Variants in ATP6V1A observed in about 807,000 individuals in gnomAD.
ATP6V1A encodes the protein V-type proton ATPase catalytic subunit A.
A neutral mutation model predicts 70.1 loss-of-function variants in ATP6V1A; 18 were observed. The observed-to-expected ratio is 0.26, with a 90% confidence interval of 0.18 to 0.38. The LOEUF (loss-of-function observed/expected upper bound fraction) is 0.38, where lower values mean the gene tolerates loss of function less well. Ranked by LOEUF, ATP6V1A falls within the 10% of genes least tolerant of loss-of-function variation. The pLI is 1.00. For synonymous variants in ATP6V1A, 232 were observed against 253.8 expected, an observed-to-expected ratio of 0.91 and a Z score of 0.82; for missense variants, 424 against 772.4, an observed-to-expected ratio of 0.55 and a Z score of 5.35.
At chr3:113,755,106 A>T (rs1708632123) in intron 1 of ATP6V1A, among the ~76,000 whole-genome samples, 1 of 152,210 alleles carries the variant, frequency 6.6e-6, no homozygotes, top group Non-Finnish European at 1.5e-5. Flanking sequence ...TAGTATTAAT[A>T]TAACAAAGAG....
chr3:113,805,554 T>C (rs1459193361), intron 14 of ATP6V1A, 29 bp downstream of exon 14: 1 of 1,572,036 alleles, frequency 6.4e-7, no homozygotes, highest in East Asian at 2.2e-5. Context: ...GTAACTTTTT[T>C]TATTTGGAAA....
intron 8 of ATP6V1A, among the ~76,000 whole-genome samples, chr3:113,793,457 T>C (rs973874709): frequency 6.6e-6 from 1 of 152,220 alleles, no homozygotes; most frequent in Admixed American, 6.5e-5. Flanking sequence ...GTCTGAGGCA[T>C]ATTTTTCTTG....
At chr3:113,802,492 C>T (rs1709225137) in intron 12 of ATP6V1A, among the ~76,000 whole-genome samples, 1 of 151,892 alleles carries the variant, frequency 6.6e-6, no homozygotes, top group East Asian at 1.9e-4. Context: ...CCACACCTAG[C>T]TAATTTTTGT....
At position 113,805,497 on chromosome 3, in the gene ATP6V1A, T is replaced by C. The variant is rs750853556; in HGVS notation, c.1733T>C (p.Leu578Pro). ...SIIREHMGDILYKLSSMKFKD... is the reference protein window; with the variant it reads ...SIIREHMGDIPYKLSSMKFKD... ...ATTCGTGAGCACATGGGAGACATCC[T>C]CTATAAACTTTCCTCCATGAAATTC... Residue 578 changes from leucine to proline, a missense_variant, in exon 14 of 15, where the codon CTC becomes CCC. Coordinates refer to ENST00000273398, the MANE Select transcript of ATP6V1A (RefSeq NM_001690.4). 1.2e-5 allele frequency: 20 copies of C among 1,612,618 alleles called. No individual in the cohort carries two copies. In the Admixed American group the frequency reaches 2.2e-4, roughly 18 times the overall value.
intron 1 of ATP6V1A, among the ~76,000 whole-genome samples, chr3:113,756,522 A>G (rs906035748): frequency 1.3e-5 from 2 of 152,172 alleles, no homozygotes; most frequent in East Asian, 1.9e-4. Flanking sequence ...TGTGCTTTTA[A>G]CATTTCTAGC....
chr3:113,782,587 CAT>C (rs527941453), intron 3 of ATP6V1A, among the ~76,000 whole-genome samples: 190 of 140,542 alleles, frequency 1.4e-3, no homozygotes, highest in African/African-American at 2.5e-3. Context: ...TATATATACA[CAT>C]ATATATATAT....
At chr3:113,799,159 GATGAATGTAGGT>G in intron 12 of ATP6V1A, among the ~76,000 whole-genome samples, 2 of 152,202 alleles carry the variant, frequency 1.3e-5, no homozygotes, top group South Asian at 4.1e-4. Context: ...TAATATTGTT[GATGAATGTAGGT>G]ATGAATGTAG....
chr3:113,765,341 G>A lies in ATP6V1A; in HGVS notation c.-13-13400G>A, dbSNP rs138953586. On this transcript the variant is annotated intron_variant, in intron 1 of 14. Transcript: ENST00000273398. ...AGTTCTGTAAGAGATGGGGCCAGGC[G>A]TAGTGGCTCATCCAGCACTTTGGGA... Among the ~76,000 whole-genome samples the A allele has an allele frequency of 6.0e-3, 919 of 152,206 alleles. 14 individuals are homozygous for A. Among genetic ancestry groups the A allele is most frequent in the African/African-American group, 0.021 (869 of 41,538 alleles).
intron 8 of ATP6V1A, among the ~76,000 whole-genome samples, chr3:113,792,737 T>A (rs1709109367): frequency 6.6e-6 from 1 of 152,208 alleles, no homozygotes; most frequent in Non-Finnish European, 1.5e-5. Context: ...AAGGGCTAAC[T>A]GTGGACAAGA....
chr3:113,762,966 G>A (rs1708722660), intron 1 of ATP6V1A, among the ~76,000 whole-genome samples: 1 of 152,124 alleles, frequency 6.6e-6, no homozygotes, highest in Non-Finnish European at 1.5e-5. Context: ...GGGCGTGGTT[G>A]CATATTACCA....
At chr3:113,808,814 A>G (rs910294306) in intron 14 of ATP6V1A, among the ~76,000 whole-genome samples, 2 of 152,182 alleles carry the variant, frequency 1.3e-5, no homozygotes, top group Non-Finnish European at 2.9e-5. Flanking sequence ...TTATCAGGCA[A>G]AATGCAAAAT....
intron 1 of ATP6V1A, among the ~76,000 whole-genome samples, chr3:113,755,149 T>C (rs1708633075): frequency 6.6e-6 from 1 of 152,216 alleles, no homozygotes; most frequent in South Asian, 2.1e-4. Context: ...AGTCAAATCC[T>C]GGCTCTGCTT....
chr3:113,777,327 A>G (rs758988495), intron 1 of ATP6V1A, among the ~76,000 whole-genome samples: 11 of 152,264 alleles, frequency 7.2e-5, no homozygotes, highest in Non-Finnish European at 1.6e-4. Flanking sequence ...ATAAATAAAT[A>G]CTTTTAAAGA....
At chr3:113,772,209 A>C (rs1708849761) in intron 1 of ATP6V1A, among the ~76,000 whole-genome samples, 1 of 152,190 alleles carries the variant, frequency 6.6e-6, no homozygotes, top group South Asian at 2.1e-4. Context: ...AAGTGGTGTG[A>C]ATGCAGGCAA....
intron 1 of ATP6V1A, among the ~76,000 whole-genome samples, chr3:113,762,517 G>A (rs1034959087): frequency 2.9e-4 from 44 of 151,704 alleles, no homozygotes; most frequent in Non-Finnish European, 5.2e-4. Context: ...GCAGTGAGCC[G>A]AGATTGCGCC....
intron 5 of ATP6V1A, among the ~76,000 whole-genome samples, chr3:113,785,457 T>G (rs1238087148): frequency 1.3e-5 from 2 of 151,218 alleles, no homozygotes; most frequent in African/African-American, 4.9e-5. Flanking sequence ...TAAAAATAAT[T>G]AGTATTATTA....
chr3:113,797,662 T>C (rs2108040152), intron 11 of ATP6V1A, among the ~76,000 whole-genome samples: 1 of 152,356 alleles, frequency 6.6e-6, no homozygotes, highest in East Asian at 1.9e-4. Flanking sequence ...ATTTTTCTTT[T>C]TGCTTTTGGA....
intron 14 of ATP6V1A, 101 bp downstream of exon 14, chr3:113,805,626 T>A: frequency 8.5e-7 from 1 of 1,179,436 alleles, no homozygotes; most frequent in Non-Finnish European, 1.2e-6. Flanking sequence ...TGGAGTGCAG[T>A]GGCATGATCT....
intron 1 of ATP6V1A, among the ~76,000 whole-genome samples, chr3:113,756,995 C>G (rs965472786): frequency 6.6e-6 from 1 of 152,084 alleles, no homozygotes; most frequent in African/African-American, 2.4e-5. Context: ...GTTATAAAAT[C>G]CACAAATTAT....
Sources: gnomAD v4.1 joint callset for allele counts (sites outside exome capture counted in the v4.1 genomes callset) on GRCh38, gnomAD v4.1.1 for gene constraint, MANE v1.5 for transcripts, NCBI Gene and HGNC (gene_info 2026-07-23, HGNC 2026-07-21) for gene names.